CERCAM: variants seen among roughly 807,000 people sequenced by gnomAD.
CERCAM encodes cerebral endothelial cell adhesion molecule.
In CERCAM, 59 loss-of-function variants were observed where a neutral mutation model predicts 66.0. That is an observed-to-expected ratio of 0.89 (90% CI 0.73 to 1.11). The LOEUF (loss-of-function observed/expected upper bound fraction) is 1.11, where lower values mean the gene tolerates loss of function less well. CERCAM is among the 50% of genes most tolerant of loss of function. CERCAM has a pLI of 0.00. For synonymous variants in CERCAM, 318 were observed against 343.6 expected (o/e 0.93, Z 0.83); for missense variants, 840 against 828.3 (o/e 1.01, Z -0.17).
intron 2 of CERCAM, 27 bp downstream of exon 2, chr9:128,423,005 G>T: frequency 6.2e-7 from 1 of 1,613,410 alleles, no homozygotes; most frequent in Non-Finnish European, 8.5e-7. Context: ...AAGGGTGCTG[G>T]GGAAGATGGA....
chr9:128,423,967 A>G lies in CERCAM; in HGVS notation c.427-171A>G, dbSNP rs553462053. On this transcript the variant is annotated intron_variant, in intron 3 of 12. Coordinates refer to ENST00000372838, the MANE Select transcript of CERCAM (RefSeq NM_016174.5). ...GACCCAGTCCCTGAGTCAGTGCCCC[A>G]GACTAGAGCCTTGGTCCAGAAACAG... 4.5e-5 allele frequency: 32 copies of G among 711,088 alleles called. 1 individual carries two copies. The African/African-American group carries it at 5.5e-4, about 12-fold the overall frequency. The allele number at this position is 711,088 out of a possible 1,614,324, so 44.0% of individuals were successfully genotyped here.
At chr9:128,429,067 C>T (rs1480261034) in intron 8 of CERCAM, 31 bp downstream of exon 8, 10 of 1,503,726 alleles carry the variant, frequency 6.7e-6, no homozygotes, top group African/African-American at 2.7e-5. Context: ...GGGCCCTGTG[C>T]GCTTGGGGAA....
rs759074845 is a variant in CERCAM, at chr9:128,435,638, C to A, written c.1536-15C>A. The A allele has an allele frequency of 3.8e-6, 6 of 1,587,288 alleles. No individual in the cohort carries two copies. Among genetic ancestry groups the A allele is most frequent in the Non-Finnish European group, 5.2e-6 (6 of 1,163,124 alleles). ...GCCCGCCTCAATCCCCCTGAGCTAT[C>A]CTCTCACCTTACAGCGAGCAGTACA... On this transcript the variant is annotated splice_polypyrimidine_tract_variant and intron_variant, in intron 11 of 12. Transcript: ENST00000372838.
chr9:128,436,201 A>G (rs575177009), intron 12 of CERCAM, among the ~76,000 whole-genome samples: 2 of 151,120 alleles, frequency 1.3e-5, no homozygotes, highest in African/African-American at 4.9e-5. Context: ...GATTACAGGC[A>G]CCCACCACAA....
intron 9 of CERCAM, 183 bp downstream of exon 9, chr9:128,431,486 G>T: frequency 1.5e-6 from 1 of 682,710 alleles, no homozygotes; most frequent in East Asian, 2.8e-5. Flanking sequence ...TTTTCATTCT[G>T]CAGTCTCTCT....
At chr9:128,431,082 G>A in intron 8 of CERCAM, 89 bp from the exon 9 acceptor site, 2 of 1,482,382 alleles carry the variant, frequency 1.3e-6, no homozygotes, top group South Asian at 1.2e-5. Context: ...CCCGACTCCA[G>A]TGTGACTGTC....
intron 9 of CERCAM, among the ~76,000 whole-genome samples, chr9:128,433,585 C>A (rs1368561983): frequency 6.6e-6 from 1 of 152,122 alleles, no homozygotes; most frequent in Non-Finnish European, 1.5e-5. Flanking sequence ...ATGCAGCCCC[C>A]TGACTTGGGG....
chr9:128,422,649 C>T, intron 1 of CERCAM: 1 of 544,014 alleles, frequency 1.8e-6, no homozygotes, highest in Non-Finnish European at 3.3e-6. Context: ...GACGTGAAGC[C>T]CAGAGAAAGA....
Position 128,424,495 on chromosome 9 carries a change from C to T in CERCAM, c.647C>T (p.Thr216Ile). Residue 216 changes from threonine (T) to isoleucine (I), a missense_variant, in exon 5 of 13, where the codon ACC becomes ATC. Coordinates refer to ENST00000372838, the MANE Select transcript of CERCAM (RefSeq NM_016174.5). The part of the protein sequence containing the change: ...GCFRVPMVHS[T>I]FLASLRAEGA... ...TTCCGTGTCCCCATGGTCCACTCCA[C>T]CTTCCTTGCATCCCTGCGGGCTGAA... 2 of 1,614,148 alleles carry T rather than the reference C, an allele frequency of 1.2e-6. No individual in the cohort carries two copies. Among genetic ancestry groups the T allele is most frequent in the Non-Finnish European group, 1.7e-6 (2 of 1,180,032 alleles).
At chr9:128,429,323 C>A (rs1588623505) in intron 8 of CERCAM, among the ~76,000 whole-genome samples, 1 of 152,178 alleles carries the variant, frequency 6.6e-6, no homozygotes, top group South Asian at 2.1e-4. Context: ...GCCAGCTACC[C>A]CCATCTCTCA....
At chr9:128,423,631 AAAG>A (rs1324085629) in intron 3 of CERCAM, among the ~76,000 whole-genome samples, 2 of 151,706 alleles carry the variant, frequency 1.3e-5, no homozygotes, top group African/African-American at 4.9e-5. Context: ...AAAAAAAAAA[AAAG>A]AAAAAGAAAT....
At chr9:128,436,320 A>C (rs1423051113) in intron 12 of CERCAM, among the ~76,000 whole-genome samples, 1 of 152,096 alleles carries the variant, frequency 6.6e-6, no homozygotes, top group East Asian at 1.9e-4. Context: ...AGCTCACTGC[A>C]ACCTCTGCCT....
intron 9 of CERCAM, among the ~76,000 whole-genome samples, chr9:128,432,582 C>T (rs1564430618): frequency 6.6e-6 from 1 of 151,288 alleles, no homozygotes; most frequent in African/African-American, 2.4e-5. Flanking sequence ...GACAGGGTTT[C>T]GCCATGTTGG....
rs370892700 is a variant in CERCAM at position 128,433,583 on chromosome 9, C to T, written c.1204-519C>T. 2.6e-5 allele frequency among the ~76,000 whole-genome samples: 4 copies of T among 152,230 alleles called. No individual in the cohort carries two copies. The East Asian group carries it at 7.7e-4, about 29-fold the overall frequency. On this transcript the variant is annotated intron_variant, in intron 9 of 12. Coordinates refer to ENST00000372838, the MANE Select transcript of CERCAM (RefSeq NM_016174.5). ...GTTCCTGCTCCTCTTCCATGCAGCCCCCTGACTTGGGGGGCCATTTCACTC... is the reference window on the plus strand; with the variant it reads ...GTTCCTGCTCCTCTTCCATGCAGCCTCCTGACTTGGGGGGCCATTTCACTC...
chr9:128,428,767 C>G lies in CERCAM; in HGVS notation c.897C>G (p.Pro299=). 6.2e-7 allele frequency: 1 copy of G among 1,614,000 alleles called. No homozygotes were observed. The highest frequency in any genetic ancestry group is 8.5e-7 in the Non-Finnish European group (1 of 1,180,008). Residue 299 remains proline, a synonymous_variant, in exon 7 of 13, where the codon CCC becomes CCG. Transcript: ENST00000372838. The part of the protein sequence containing the change: ...HLILEALVDG[P]RMQASAHVTR... ...TGCTTCCCTTTGCAGTGGACGGCCC[C>G]CGCATGCAGGCCTCAGCTCATGTGA... is the stretch of plus-strand genomic sequence containing the variant.
chr9:128,428,423 T>C lies in CERCAM; in HGVS notation c.886+2T>C. On this transcript the variant is annotated splice_donor_variant, in intron 6 of 12. Coordinates refer to ENST00000372838, the MANE Select transcript of CERCAM (RefSeq NM_016174.5). LOFTEE classifies it high-confidence loss of function. ...TCCACCTGATCTTAGAAGCACTAGGTGAGGGCTGGGGAACTGTTCCACCCA... is the reference window on the plus strand; with the variant it reads ...TCCACCTGATCTTAGAAGCACTAGGCGAGGGCTGGGGAACTGTTCCACCCA... 1 of 1,613,938 alleles carries C rather than the reference T, an allele frequency of 6.2e-7. No homozygotes were observed. Among genetic ancestry groups the C allele is most frequent in the Non-Finnish European group, 8.5e-7 (1 of 1,179,900 alleles).
chr9:128,432,445 C>A (rs1588627166), intron 9 of CERCAM, among the ~76,000 whole-genome samples: 1 of 143,816 alleles, frequency 7.0e-6, no homozygotes, highest in East Asian at 2.0e-4. Flanking sequence ...AGTGCAGTGG[C>A]GTGATCTTGG....
At position 128,424,430 on chromosome 9, in the gene CERCAM, C is replaced by T. The variant is rs370380487; in HGVS notation, c.582C>T (p.Ala194=). 17 of 1,613,938 alleles carry T rather than the reference C, an allele frequency of 1.1e-5. No homozygotes were observed. The highest frequency in any genetic ancestry group is 4.0e-5 in the African/African-American group (3 of 74,932). The change falls in exon 5 of 13, where the codon GCC becomes GCT. Residue 194 remains alanine (A), a synonymous_variant. Transcript: ENST00000372838. ...ITPQGYYRRT[A]EYFPTKNRQR... is the part of the protein sequence containing the mutation. ...CCCAGGGCTACTACCGCCGCACAGC[C>T]GAGTACTTCCCCACCAAGAACCGCC...
chr9:128,428,730 G>A (rs776528830), intron 6 of CERCAM, 27 bp from the exon 7 acceptor site: 33 of 1,612,826 alleles, frequency 2.0e-5, no homozygotes, highest in African/African-American at 2.7e-5. Context: ...GTAGGGACTC[G>A]TGCTTGGGGT....
Sources: allele counts gnomAD v4.1 joint callset (sites outside exome capture counted in the v4.1 genomes callset), GRCh38; gene constraint gnomAD v4.1.1; transcripts MANE v1.5; gene names NCBI Gene and HGNC (gene_info 2026-07-23, HGNC 2026-07-21).